The following LAMA4 variants were observed in gnomAD, a reference collection of about 807,000 sequenced individuals.
LAMA4 encodes the protein laminin subunit alpha 4, also known as laminin subunit alpha-4.
A neutral mutation model predicts 207.1 loss-of-function variants in LAMA4; 127 were observed. The ratio of observed to expected loss-of-function variants is 0.61; its 90% CI spans 0.53 to 0.71. The LOEUF is 0.71. LAMA4 is among the 30% of genes least tolerant of loss of function. The pLI is 0.00. For synonymous variants in LAMA4, 761 were observed against 816.0 expected (o/e 0.93, Z 1.15); for missense variants, 2,093 against 2,246.5 (o/e 0.93, Z 1.38).
At chr6:112,147,314 A>G (rs563100953) in intron 18 of LAMA4, among the ~76,000 whole-genome samples, 40 of 152,206 alleles carry the variant, frequency 2.6e-4, no homozygotes, top group Non-Finnish European at 4.9e-4. Flanking sequence ...TACTTAAAAG[A>G]TCATTATAAA....
rs149686732 is a variant in LAMA4, at chr6:112,171,271, C to T, written c.1551+1340G>A. ...CCCATGAAACTTATTTTCTAACCCG[C>T]GAAATGGCTCACAAGTTGCAGCGTC... On this transcript the variant is annotated intron_variant, in intron 12 of 38. Coordinates refer to ENST00000230538, the MANE Select transcript of LAMA4 (RefSeq NM_001105206.3). 1.2e-3 allele frequency among the ~76,000 whole-genome samples: 179 copies of T among 150,994 alleles called. 1 individual carries two copies. The highest frequency in any genetic ancestry group is 2.2e-3 in the Non-Finnish European group (150 of 67,898).
At chr6:112,229,213 G>A (rs1048374648) in intron 2 of LAMA4, among the ~76,000 whole-genome samples, 4 of 152,146 alleles carry the variant, frequency 2.6e-5, no homozygotes, top group African/African-American at 9.7e-5. Context: ...TAGGCCAAAA[G>A]TTTAGGCTTA....
intron 5 of LAMA4, among the ~76,000 whole-genome samples, chr6:112,199,774 T>TC (rs1783628475): frequency 6.6e-6 from 1 of 151,986 alleles, no homozygotes; most frequent in Non-Finnish European, 1.5e-5. Context: ...CTGTGGCTTT[T>TC]TTTTTTTTGA....
intron 2 of LAMA4, 56 bp downstream of exon 2, chr6:112,253,900 A>C: frequency 6.2e-7 from 1 of 1,613,840 alleles, no homozygotes; most frequent in Non-Finnish European, 8.5e-7. Context: ...CGAGTGTGGC[A>C]CAGCCCGCGG....
At chr6:112,174,537 A>C (rs1554342989) in intron 11 of LAMA4, among the ~76,000 whole-genome samples, 1 of 152,246 alleles carries the variant, frequency 6.6e-6, no homozygotes. Flanking sequence ...CTCTGTCACC[A>C]GGCTGGAGTG....
intron 9 of LAMA4, chr6:112,179,841 T>G (rs2114904237): frequency 2.0e-6 from 1 of 510,610 alleles, no homozygotes; most frequent in South Asian, 1.5e-5. Context: ...GCAGCGGCAA[T>G]GTGGTCATCA....
In LAMA4 at chr6:112,117,595, GA is replaced by G; in HGVS notation, c.4981+143del. ...TGTATGGTTTGGAGTGCAGGAGGGA[GA>G]AAGGTGGTTCTTGTGGGAAGAGGTC... On this transcript the variant is annotated intron_variant, in intron 35 of 38. Transcript: ENST00000230538. This position sits in a 1 kb window ranked among gnomAD's most constrained non-coding sequence, Gnocchi z 4.5. 2.7e-6 allele frequency: 2 copies of G among 754,468 alleles called. No individual in the cohort carries two copies. Among genetic ancestry groups the G allele is most frequent in the Non-Finnish European group, 2.3e-6 (1 of 438,068 alleles). 46.7% of individuals were successfully genotyped at this position (754,468 alleles called of 1,614,324 possible).
chr6:112,138,775 G>A (rs1779506273), intron 24 of LAMA4, among the ~76,000 whole-genome samples: 1 of 152,070 alleles, frequency 6.6e-6, no homozygotes. Flanking sequence ...TACAAAGCAT[G>A]CAAGCTTTGC....
rs139816041 is a variant in LAMA4, at chr6:112,203,336, T to A, written c.423-1648A>T. 3.9e-5 allele frequency among the ~76,000 whole-genome samples: 6 copies of A among 152,334 alleles called. No individual in the cohort carries two copies. In the East Asian group the frequency reaches 1.2e-3, roughly 29 times the overall value. ...GAAGCATTATTTCCTTGCTTTCTTGTAACTGGAAATCCAAATCCTGCGTCT... is the reference window on the plus strand; with the variant it reads ...GAAGCATTATTTCCTTGCTTTCTTGAAACTGGAAATCCAAATCCTGCGTCT... On this transcript the variant is annotated intron_variant, in intron 4 of 38. Coordinates refer to ENST00000230538, the MANE Select transcript of LAMA4 (RefSeq NM_001105206.3).
chr6:112,117,748 C>T lies in LAMA4; in HGVS notation c.4972G>A (p.Val1658Met), dbSNP rs149555058. Reference protein sequence around the residue: ...GTYFSTEGGYVVLDESFNIGL... With the variant: ...GTYFSTEGGYMVLDESFNIGL... ...ACATGACTAATGTTACCTAGAACCA[C>T]GTATCCTCCTTCTGTTGAAAAGTAA... The change falls in exon 35 of 39, where the codon GTG becomes ATG. Residue 1658 changes from valine (V) to methionine (M), a missense_variant. Physicochemically the swap from Val to Met is conservative, Grantham distance 21. Transcript: ENST00000230538. This position sits in a 1 kb window ranked among gnomAD's most constrained non-coding sequence, Gnocchi z 4.5. 53 of 1,613,154 alleles carry T rather than the reference C, an allele frequency of 3.3e-5. No individual in the cohort carries two copies. The highest frequency in any genetic ancestry group is 8.9e-5 in the East Asian group (4 of 44,870).
intron 2 of LAMA4, chr6:112,253,614 G>C (rs1554190300): frequency 1.2e-6 from 1 of 857,730 alleles, no homozygotes; most frequent in Non-Finnish European, 1.9e-6. Context: ...TAAGTGCCGT[G>C]GCTTGACAAA....
intron 2 of LAMA4, among the ~76,000 whole-genome samples, chr6:112,235,586 A>G (rs948800176): frequency 1.3e-5 from 2 of 152,240 alleles, no homozygotes; most frequent in Admixed American, 6.5e-5. Context: ...ATCACTGTGT[A>G]CAGGAGGAAT....
rs1395735337 is a variant in LAMA4 at position 112,172,484 on chromosome 6, C to A, written c.1551+127G>T. The A allele has an allele frequency of 5.8e-6, 5 of 860,072 alleles. No homozygotes were observed. In the Admixed American group the frequency reaches 6.6e-5, roughly 11 times the overall value. 53.3% of individuals were successfully genotyped at this position (860,072 alleles called of 1,614,324 possible). A position where few individuals can be genotyped will look rare whatever the true frequency, so the allele number is the denominator to read the frequency against. On this transcript the variant is annotated intron_variant, in intron 12 of 38. Coordinates refer to ENST00000230538, the MANE Select transcript of LAMA4 (RefSeq NM_001105206.3). Reference sequence around the variant, plus strand: ...GTAATTTATAGCACCAAAAAACACACCAATATTTTAAAATATAAGTATTTA... The same window carrying A: ...GTAATTTATAGCACCAAAAAACACAACAATATTTTAAAATATAAGTATTTA...
intron 2 of LAMA4, among the ~76,000 whole-genome samples, chr6:112,228,313 A>T (rs1456528299): frequency 6.6e-6 from 1 of 152,218 alleles, no homozygotes; most frequent in Admixed American, 6.5e-5. Flanking sequence ...TTTTTTATAT[A>T]ATCTCTTCCT....
At position 112,114,649 on chromosome 6, in the gene LAMA4, G is replaced by A; in HGVS notation, c.5206+14C>T. 6.3e-7 allele frequency: 1 copy of A among 1,577,566 alleles called. No homozygotes were observed. Among genetic ancestry groups the A allele is most frequent in the Non-Finnish European group, 8.7e-7 (1 of 1,146,786 alleles). ...TTGGGTGTGCAGGCTCCCCAGGGCA[G>A]TCAGTTTTCTCACCTGTAATTCTGT... is the stretch of plus-strand genomic sequence containing the variant. On this transcript the variant is annotated intron_variant, in intron 37 of 38. Transcript: ENST00000230538.
chr6:112,144,234 A>G (rs1554333965), intron 19 of LAMA4, among the ~76,000 whole-genome samples: 1 of 152,190 alleles, frequency 6.6e-6, no homozygotes, highest in Admixed American at 6.5e-5. Flanking sequence ...TATGTGTCCC[A>G]AAACACATAT....
chr6:112,200,754 C>T (rs137967103), intron 5 of LAMA4, among the ~76,000 whole-genome samples: 4,741 of 152,160 alleles, frequency 0.031, 242 homozygotes, highest in African/African-American at 0.11. Flanking sequence ...AAGCTGGAAA[C>T]CGTCATTCTT....
At chr6:112,203,154 G>C (rs1420446722) in intron 4 of LAMA4, among the ~76,000 whole-genome samples, 2 of 152,140 alleles carry the variant, frequency 1.3e-5, no homozygotes, top group African/African-American at 4.8e-5. Context: ...TTTATGTTTT[G>C]TCTGGTTTTG....
intron 16 of LAMA4, 70 bp from the exon 17 acceptor site, chr6:112,150,697 G>A (rs1317824929): frequency 1.9e-6 from 2 of 1,058,150 alleles, no homozygotes; most frequent in Admixed American, 1.7e-5. Flanking sequence ...ATTTCAACAA[G>A]GAAACTTCTC....
Sources: allele counts gnomAD v4.1 joint callset (sites outside exome capture counted in the v4.1 genomes callset), GRCh38; gene constraint gnomAD v4.1.1; non-coding constraint Gnocchi (gnomAD v3.1); transcripts MANE v1.5; gene names NCBI Gene and HGNC (gene_info 2026-07-23, HGNC 2026-07-21).